DPP6: variants seen among roughly 807,000 people sequenced by gnomAD.
DPP6 encodes the protein dipeptidyl peptidase like 6, also known as A-type potassium channel modulatory protein DPP6.
Under a neutral mutation model 122.6 loss-of-function variants are expected in DPP6, and 69 were observed. The ratio of observed to expected loss-of-function variants is 0.56; its 90% CI spans 0.46 to 0.69. DPP6 has a LOEUF of 0.69. DPP6 is among the 30% of genes least tolerant of loss of function. The pLI is 0.00. For missense variants in DPP6, 928 were observed against 1,116.9 expected, an observed-to-expected ratio of 0.83 and a Z score of 2.41; for synonymous variants, 418 against 433.1, an observed-to-expected ratio of 0.97 and a Z score of 0.43.
chr7:154,318,307 T>C (rs1807612847), intron 1 of DPP6, among the ~76,000 whole-genome samples: 1 of 152,216 alleles, frequency 6.6e-6, no homozygotes, highest in South Asian at 2.1e-4. Context: ...TCCCTCGTTC[T>C]CACTCTTTGT....
the DPP6 span, among the ~76,000 whole-genome samples, chr7:153,811,113 G>T: frequency 4.6e-5 from 7 of 152,180 alleles, no homozygotes; most frequent in East Asian, 1.4e-3. Context: ...AGTCAGGGAG[G>T]CTGGACAGCA....
Position 154,892,633 on chromosome 7 carries a change from T to C in DPP6, c.*153T>C, listed in dbSNP as rs189909695. The C allele has an allele frequency of 2.5e-4, 363 of 1,463,176 alleles. 1 individual carries two copies. In the African/African-American group the frequency reaches 3.4e-3, roughly 14 times the overall value. 90.6% of individuals were successfully genotyped at this position (1,463,176 alleles called of 1,614,324 possible). ...TCTCGGATGCGGAAGGCAGTTTTGCTTGGGAAACAAGCTCCTTCCCCGGGG... is the reference window on the plus strand; with the variant it reads ...TCTCGGATGCGGAAGGCAGTTTTGCCTGGGAAACAAGCTCCTTCCCCGGGG... On this transcript the variant is annotated 3_prime_UTR_variant, in exon 26 of 26. Coordinates refer to ENST00000377770, the MANE Select transcript of DPP6 (RefSeq NM_130797.4).
intron 16 of DPP6, among the ~76,000 whole-genome samples, chr7:154,815,840 C>G (rs914679193): frequency 2.8e-4 from 43 of 152,184 alleles, no homozygotes; most frequent in African/African-American, 1.0e-3. Context: ...GAAGTTTGGT[C>G]TTAGACTTAG....
chr7:154,578,450 A>G (rs1159511730), intron 5 of DPP6, among the ~76,000 whole-genome samples: 4 of 151,992 alleles, frequency 2.6e-5, no homozygotes, highest in Admixed American at 6.5e-5. Context: ...GCATTGAGAG[A>G]ACCTTGGGTA....
At chr7:153,928,811 A>C (rs1801042666) in intron 1 of DPP6, among the ~76,000 whole-genome samples, 1 of 152,176 alleles carries the variant, frequency 6.6e-6, no homozygotes, top group South Asian at 2.1e-4. Context: ...TAGGCCTTTA[A>C]CTTATATATT....
At chr7:154,262,242 C>T (rs1328967281) in intron 1 of DPP6, among the ~76,000 whole-genome samples, 1 of 152,090 alleles carries the variant, frequency 6.6e-6, no homozygotes. Flanking sequence ...GGACTCCCCA[C>T]CCCAGATTCA....
At chr7:154,785,966 A>G (rs937611363) in intron 10 of DPP6, among the ~76,000 whole-genome samples, 1 of 151,896 alleles carries the variant, frequency 6.6e-6, no homozygotes, top group Non-Finnish European at 1.5e-5. Context: ...CTTTTCCCCA[A>G]GTCTGTCTCT....
intron 8 of DPP6, among the ~76,000 whole-genome samples, chr7:154,729,166 G>C (rs1314549898): frequency 1.3e-5 from 2 of 152,184 alleles, no homozygotes; most frequent in Admixed American, 1.3e-4. Flanking sequence ...TACAGTAACC[G>C]TATGCTTTCC....
chr7:154,865,031 A>G (rs1227537549), intron 17 of DPP6, among the ~76,000 whole-genome samples: 1 of 152,224 alleles, frequency 6.6e-6, no homozygotes, highest in Non-Finnish European at 1.5e-5. Flanking sequence ...ACATGCATAT[A>G]TATGGAGACA....
At chr7:154,773,948 T>C (rs1256871479) in intron 10 of DPP6, among the ~76,000 whole-genome samples, 1 of 152,136 alleles carries the variant, frequency 6.6e-6, no homozygotes, top group Non-Finnish European at 1.5e-5. Flanking sequence ...CACCCTGAGC[T>C]CCTGCACAGA....
chr7:153,979,950 T>G (rs60136956), intron 1 of DPP6, among the ~76,000 whole-genome samples: 3,255 of 152,232 alleles, frequency 0.021, 101 homozygotes, highest in African/African-American at 0.067. Context: ...AGTTTGCCAG[T>G]ATTTTATTGA....
intron 7 of DPP6, among the ~76,000 whole-genome samples, chr7:154,698,020 T>TA (rs1172760080): frequency 6.6e-6 from 1 of 152,126 alleles, no homozygotes; most frequent in Non-Finnish European, 1.5e-5. Flanking sequence ...CAGAATATAG[T>TA]AAAAAATAGG....
intron 1 of DPP6, among the ~76,000 whole-genome samples, chr7:154,188,473 G>C (rs1167391334): frequency 6.6e-6 from 1 of 152,082 alleles, no homozygotes; most frequent in Non-Finnish European, 1.5e-5. Flanking sequence ...TCTAGTGGGG[G>C]TGAGAGACAA....
chr7:154,048,039 TCAAC>T (rs1215544962), upstream of DPP6, among the ~76,000 whole-genome samples: 1 of 129,618 alleles, frequency 7.7e-6, no homozygotes, highest in Non-Finnish European at 1.6e-5. Flanking sequence ...CTCGTGTTAA[TCAAC>T]CACTGTGTTT....
intron 6 of DPP6, among the ~76,000 whole-genome samples, chr7:154,669,016 A>G (rs574825750): frequency 6.6e-6 from 1 of 152,346 alleles, no homozygotes; most frequent in East Asian, 1.9e-4. Context: ...TTGTGGAGGT[A>G]GATCACTGCA....
chr7:153,946,748 A>G (rs370865096), intron 1 of DPP6, among the ~76,000 whole-genome samples: 4 of 152,184 alleles, frequency 2.6e-5, no homozygotes, highest in South Asian at 4.1e-4. Context: ...GTGGGAAGTA[A>G]TTGATATGGA....
the DPP6 span, among the ~76,000 whole-genome samples, chr7:153,830,504 T>C: frequency 6.6e-6 from 1 of 152,208 alleles, no homozygotes; most frequent in Non-Finnish European, 1.5e-5. Context: ...CCAAGAGCAA[T>C]TTGACCTATG....
At chr7:154,440,600 G>T (rs1336614070) in intron 1 of DPP6, among the ~76,000 whole-genome samples, 3 of 152,114 alleles carry the variant, frequency 2.0e-5, no homozygotes, top group Non-Finnish European at 4.4e-5. Flanking sequence ...CTAACCATGG[G>T]TATAGTTATA....
chr7:154,751,737 G>A (rs968031856), intron 8 of DPP6, among the ~76,000 whole-genome samples: 1 of 152,134 alleles, frequency 6.6e-6, no homozygotes, highest in African/African-American at 2.4e-5. Context: ...GGGCCCATGT[G>A]CTTCCCTAGA....
Sources: allele counts gnomAD v4.1 joint callset (sites outside exome capture counted in the v4.1 genomes callset), GRCh38; gene constraint gnomAD v4.1.1; transcripts MANE v1.5; gene names NCBI Gene and HGNC (gene_info 2026-07-23, HGNC 2026-07-21).